Variants in EYS observed in about 807,000 individuals in gnomAD.
The protein encoded by EYS is EGF-like photoreceptor maintenance factor.
EYS carries 250 observed loss-of-function variants against 282.1 expected under a neutral mutation model. The ratio of observed to expected loss-of-function variants is 0.89; its 90% CI spans 0.80 to 0.98. The LOEUF is 0.98. EYS is among the 50% of genes least tolerant of loss of function. The probability of loss-of-function intolerance (pLI) is 0.00; values close to 1 mark genes in which losing one functional copy is unlikely to be tolerated. For synonymous variants in EYS, 1,355 were observed against 1,282.9 expected (o/e 1.06, Z -1.20); for missense variants, 4,016 against 3,709.0 (o/e 1.08, Z -2.15).
chr6:65,266,002 TAA>T (rs1406766919), intron 12 of EYS, among the ~76,000 whole-genome samples: 3 of 151,760 alleles, frequency 2.0e-5, no homozygotes, highest in African/African-American at 7.3e-5. Context: ...CATCAGAGAA[TAA>T]AAAAATTAAC....
chr6:65,540,004 G>A (rs1331202), intron 2 of EYS, among the ~76,000 whole-genome samples: 113,501 of 152,178 alleles, frequency 0.75, 43,113 homozygotes, highest in African/African-American at 0.89. Flanking sequence ...GCTTCAGTGG[G>A]TGTTTATCTT....
chr6:63,928,468 T>C (rs968856314), intron 35 of EYS, among the ~76,000 whole-genome samples: 2 of 152,136 alleles, frequency 1.3e-5, no homozygotes, highest in Non-Finnish European at 2.9e-5. Flanking sequence ...ATTTGTCAAA[T>C]GACAAAATAA....
At chr6:64,015,873 T>C (rs1768867677) in intron 33 of EYS, among the ~76,000 whole-genome samples, 1 of 152,204 alleles carries the variant, frequency 6.6e-6, no homozygotes, top group South Asian at 2.1e-4. Context: ...CAGCAAGTAA[T>C]GCCAGGATGA....
At chr6:64,455,599 C>T (rs970896687) in intron 26 of EYS, among the ~76,000 whole-genome samples, 2 of 151,996 alleles carry the variant, frequency 1.3e-5, no homozygotes, top group African/African-American at 2.4e-5. Context: ...GCACTCCCTC[C>T]CCATGTCCCC....
rs1254294693 is a variant in EYS at position 65,542,266 on chromosome 6, T to C, written c.-332-46273A>G. ...ATTTCATAAAATCAACTAGATATAG[T>C]AGGCATCTATCTTCCAATAATAGCT... is the stretch of plus-strand genomic sequence containing the variant. On this transcript the variant is annotated intron_variant, in intron 2 of 42. Transcript: ENST00000503581. Among the ~76,000 whole-genome samples, 4 of 152,132 alleles carry C rather than the reference T, an allele frequency of 2.6e-5. 1 individual carries two copies. In the South Asian group the frequency reaches 8.3e-4, roughly 32 times the overall value.
chr6:63,721,836 A>G, intron 42 of EYS, 39 bp from the exon 43 acceptor site: 1 of 1,498,676 alleles, frequency 6.7e-7, no homozygotes, highest in Non-Finnish European at 8.9e-7. Flanking sequence ...TAGCAACAGT[A>G]AAAGTTTCCA....
rs141395699 is a variant in EYS at position 64,980,923 on chromosome 6, A to G, written c.2259+16659T>C. Among the ~76,000 whole-genome samples the G allele has an allele frequency of 2.9e-3, 447 of 151,574 alleles. 8 individuals are homozygous for G. The highest frequency in any genetic ancestry group is 0.026 in the Admixed American group (399 of 15,146). ...TTAATTTAAAACTGGATATCTTAAA[A>G]GAGAATAAGACTTTTCAGGAAGGTA... On this transcript the variant is annotated intron_variant, in intron 14 of 42. Coordinates refer to ENST00000503581, the MANE Select transcript of EYS (RefSeq NM_001142800.2).
chr6:65,225,539 C>A (rs968869746), intron 12 of EYS, among the ~76,000 whole-genome samples: 1 of 151,282 alleles, frequency 6.6e-6, no homozygotes, highest in Non-Finnish European at 1.5e-5. Flanking sequence ...CATGGTGAAA[C>A]CCCATCTCTG....
intron 30 of EYS, among the ~76,000 whole-genome samples, chr6:64,290,307 T>G (rs1582542496): frequency 1.3e-5 from 2 of 152,066 alleles, no homozygotes; most frequent in Non-Finnish European, 2.9e-5. Flanking sequence ...TTATTTATCT[T>G]CACAGCATAG....
intron 26 of EYS, among the ~76,000 whole-genome samples, chr6:64,580,667 T>C (rs1766032917): frequency 6.6e-6 from 1 of 152,132 alleles, no homozygotes; most frequent in Non-Finnish European, 1.5e-5. Context: ...AATTTTAAAA[T>C]AGAGGAAAGA....
intron 24 of EYS, among the ~76,000 whole-genome samples, chr6:64,601,708 T>C (rs772312842): frequency 6.6e-6 from 1 of 152,088 alleles, no homozygotes; most frequent in Non-Finnish European, 1.5e-5. Flanking sequence ...TAAGATCACA[T>C]CATTTCCCTT....
chr6:65,267,588 A>G (rs1292367687), intron 12 of EYS, among the ~76,000 whole-genome samples: 1 of 151,844 alleles, frequency 6.6e-6, no homozygotes, highest in Non-Finnish European at 1.5e-5. Context: ...CCTCTCTTAT[A>G]TTTTACTTAT....
chr6:64,093,387 C>A (rs1475352841), intron 31 of EYS, among the ~76,000 whole-genome samples: 1 of 152,120 alleles, frequency 6.6e-6, no homozygotes, highest in Non-Finnish European at 1.5e-5. Flanking sequence ...TACCCATGAG[C>A]ATGGAATGTT....
intron 2 of EYS, among the ~76,000 whole-genome samples, chr6:65,521,923 G>A (rs142524717): frequency 1.5e-3 from 224 of 152,182 alleles, no homozygotes; most frequent in African/African-American, 5.0e-3. Context: ...AGTCAACAAT[G>A]TAAGTGAATA....
In EYS at chr6:65,490,717, T is replaced by C; in HGVS notation, c.749-10A>G. 1 of 1,577,294 alleles carries C rather than the reference T, an allele frequency of 6.3e-7. No homozygotes were observed. Among genetic ancestry groups the C allele is most frequent in the Non-Finnish European group, 8.7e-7 (1 of 1,147,674 alleles). On this transcript the variant is annotated splice_polypyrimidine_tract_variant and intron_variant, in intron 4 of 42. Coordinates refer to ENST00000503581, the MANE Select transcript of EYS (RefSeq NM_001142800.2). Reference sequence around the variant, plus strand: ...TCTGAGCAATTCTTTCCTATAACAATGAAAAAAAGTTTTTTTTACATTGGA... The same window carrying C: ...TCTGAGCAATTCTTTCCTATAACAACGAAAAAAAGTTTTTTTTACATTGGA...
chr6:63,890,277 T>A (rs1378190653), intron 35 of EYS, among the ~76,000 whole-genome samples: 1 of 152,114 alleles, frequency 6.6e-6, no homozygotes, highest in Non-Finnish European at 1.5e-5. Flanking sequence ...CTCTCCACCC[T>A]AAATCAACAC....
Position 64,395,784 on chromosome 6 carries a change from T to G in EYS, c.5928-6944A>C, listed in dbSNP as rs4406207. ...TGTACCCTAAAACTTAAAGTATAAT[T>G]AAAAAAAAAGAAAAAAAAACAAAAA... is the stretch of plus-strand genomic sequence containing the variant. On this transcript the variant is annotated intron_variant, in intron 28 of 42. Transcript: ENST00000503581. 7.7e-4 allele frequency among the ~76,000 whole-genome samples: 110 copies of G among 142,918 alleles called. No individual in the cohort carries two copies. In the East Asian group the frequency reaches 0.019, roughly 25 times the overall value. 93.8% of individuals were successfully genotyped at this position (142,918 alleles called of 152,430 possible).
chr6:64,340,117 T>G (rs955509210), intron 29 of EYS, among the ~76,000 whole-genome samples: 1 of 151,602 alleles, frequency 6.6e-6, no homozygotes, highest in African/African-American at 2.4e-5. Context: ...GTTTTGCCTA[T>G]TTTTCAGCCC....
At chr6:64,675,763 T>C (rs1242362174) in intron 22 of EYS, among the ~76,000 whole-genome samples, 2 of 151,948 alleles carry the variant, frequency 1.3e-5, no homozygotes, top group Non-Finnish European at 2.9e-5. Flanking sequence ...CCATCACATA[T>C]GGAATTAATT....
Sources: gnomAD v4.1 joint callset for allele counts (sites outside exome capture counted in the v4.1 genomes callset) on GRCh38, gnomAD v4.1.1 for gene constraint, MANE v1.5 for transcripts, NCBI Gene and HGNC (gene_info 2026-07-23, HGNC 2026-07-21) for gene names.